CTNNA2: variants seen among roughly 807,000 people sequenced by gnomAD.
The protein encoded by CTNNA2 is catenin alpha-2.
In CTNNA2, 42 loss-of-function variants were observed where a neutral mutation model predicts 101.0. That is an observed-to-expected ratio of 0.42 (90% CI 0.32 to 0.54). The LOEUF is 0.54. Ranked by LOEUF, CTNNA2 falls within the 20% of genes least tolerant of loss-of-function variation. The pLI, the probability that CTNNA2 is intolerant of heterozygous loss-of-function variation, is 0.14. For synonymous variants in CTNNA2, 450 were observed against 456.4 expected, an observed-to-expected ratio of 0.99 and a Z score of 0.18; for missense variants, 871 against 1,223.1, an observed-to-expected ratio of 0.71 and a Z score of 4.29.
chr2:79,704,494 A>G (rs1685216490), intron 2 of CTNNA2, among the ~76,000 whole-genome samples: 1 of 150,182 alleles, frequency 6.7e-6, no homozygotes, highest in Non-Finnish European at 1.5e-5. Context: ...TGTTCTGAGC[A>G]TATTCACTTG....
intron 3 of CTNNA2, among the ~76,000 whole-genome samples, chr2:79,761,173 A>G (rs1672763733): frequency 6.6e-6 from 1 of 152,318 alleles, no homozygotes; most frequent in South Asian, 2.1e-4. Flanking sequence ...GAAATGCTGT[A>G]TATTTTAGGT....
chr2:80,074,268 T>TC (rs1232723558), intron 7 of CTNNA2, among the ~76,000 whole-genome samples: 3 of 152,200 alleles, frequency 2.0e-5, no homozygotes, highest in East Asian at 1.9e-4. Context: ...TCATATTGGG[T>TC]CCCTGAAGAA....
intron 7 of CTNNA2, among the ~76,000 whole-genome samples, chr2:80,063,002 G>A (rs931418843): frequency 2.0e-5 from 3 of 152,030 alleles, no homozygotes. Flanking sequence ...ACCGCGCCCG[G>A]CCAAAGCACT....
intron 2 of CTNNA2, among the ~76,000 whole-genome samples, chr2:79,307,122 A>C (rs1676265738): frequency 6.6e-6 from 1 of 152,324 alleles, no homozygotes; most frequent in East Asian, 1.9e-4. Context: ...ACTGACACAT[A>C]ATAATTGTAC....
In CTNNA2 at chr2:79,190,737, T is replaced by C. The variant is rs188378057; in HGVS notation, c.-524+5306T>C. ...ACAGAGAGCTACCGATGAATACCTATACTAGAAAATAGTAAGTTCCCTGAA... is the reference window on the plus strand; with the variant it reads ...ACAGAGAGCTACCGATGAATACCTACACTAGAAAATAGTAAGTTCCCTGAA... On this transcript the variant is annotated intron_variant, in intron 1 of 21. Coordinates refer to the CTNNA2 transcript ENST00000466387. Among the ~76,000 whole-genome samples, 252 of 152,288 alleles carry C rather than the reference T, an allele frequency of 1.7e-3. 1 individual carries two copies. Among genetic ancestry groups the C allele is most frequent in the African/African-American group, 2.2e-3 (91 of 41,568 alleles).
At chr2:79,277,834 A>G (rs1478236517) in intron 2 of CTNNA2, among the ~76,000 whole-genome samples, 1 of 151,972 alleles carries the variant, frequency 6.6e-6, no homozygotes, top group Admixed American at 6.6e-5. Context: ...GACTCAATTT[A>G]CTTTATTTGC....
chr2:79,400,132 A>G (rs1475795053), intron 4 of CTNNA2, among the ~76,000 whole-genome samples: 2 of 152,058 alleles, frequency 1.3e-5, no homozygotes, highest in Non-Finnish European at 2.9e-5. Context: ...CAGGTCATAA[A>G]TAGATAAGAG....
intron 9 of CTNNA2, among the ~76,000 whole-genome samples, 172 bp from the exon 10 acceptor site, chr2:80,544,810 T>G (rs1376622970): frequency 6.6e-6 from 1 of 152,188 alleles, no homozygotes; most frequent in Non-Finnish European, 1.5e-5. Context: ...AATGCCTAAA[T>G]TAGCATAAGA....
chr2:79,220,990 A>G (rs1261326764), intron 2 of CTNNA2, among the ~76,000 whole-genome samples: 1 of 152,360 alleles, frequency 6.6e-6, no homozygotes, highest in East Asian at 1.9e-4. Context: ...ATGCTGCTTC[A>G]GTGTGTTGGG....
At chr2:79,427,270 A>T (rs1485672792) in intron 4 of CTNNA2, among the ~76,000 whole-genome samples, 1 of 152,008 alleles carries the variant, frequency 6.6e-6, no homozygotes, top group African/African-American at 2.4e-5. Flanking sequence ...GGAATGTAGA[A>T]TTCCTGCACC....
intron 7 of CTNNA2, among the ~76,000 whole-genome samples, chr2:80,121,422 G>A (rs1255208670): frequency 1.3e-5 from 2 of 152,164 alleles, no homozygotes; most frequent in African/African-American, 2.4e-5. Context: ...TGAAAACAGT[G>A]TGGTATCATG....
intron 3 of CTNNA2, among the ~76,000 whole-genome samples, chr2:79,744,884 A>G (rs550633839): frequency 6.6e-5 from 10 of 152,324 alleles, no homozygotes; most frequent in African/African-American, 2.4e-4. Flanking sequence ...TGGGATGGGA[A>G]GACCTAACGT....
chr2:80,582,434 A>C (rs1038199036), intron 14 of CTNNA2, among the ~76,000 whole-genome samples: 3 of 152,162 alleles, frequency 2.0e-5, no homozygotes, highest in Non-Finnish European at 2.9e-5. Flanking sequence ...AGAAATATTC[A>C]AGTTTAAGGC....
chr2:80,093,625 A>T (rs7584144), intron 7 of CTNNA2, among the ~76,000 whole-genome samples: 79,375 of 151,588 alleles, frequency 0.52, 23,645 homozygotes, highest in African/African-American at 0.78. Context: ...CCACCAACAG[A>T]GTAAAAGTGT....
Position 79,732,159 on chromosome 2 carries a change from A to G in CTNNA2, c.103-12228A>G, listed in dbSNP as rs564642609. On this transcript the variant is annotated intron_variant, in intron 2 of 18. Transcript: ENST00000402739. ...TAGAGTCAGTAGTTGGGTTTTTACC[A>G]TAAGAAAAAGTTTGAAATCTGACGT... Among the ~76,000 whole-genome samples, 4 of 152,152 alleles carry G rather than the reference A, an allele frequency of 2.6e-5. No homozygotes were observed. In the South Asian group the frequency reaches 8.3e-4, roughly 32 times the overall value.
intron 4 of CTNNA2, among the ~76,000 whole-genome samples, chr2:79,400,814 G>A (rs1178422488): frequency 6.6e-6 from 1 of 150,954 alleles, no homozygotes; most frequent in African/African-American, 2.4e-5. Flanking sequence ...TGAACACCGT[G>A]TAGAATAAAC....
intron 7 of CTNNA2, among the ~76,000 whole-genome samples, chr2:80,266,310 C>T (rs1236513338): frequency 6.6e-6 from 1 of 152,250 alleles, no homozygotes; most frequent in African/African-American, 2.4e-5. Flanking sequence ...GGTGGGCACA[C>T]AGAGAGAGCT....
At chr2:80,586,458 C>A (rs186937790) in intron 14 of CTNNA2, 1 of 152,180 alleles carries the variant, frequency 6.6e-6, no homozygotes, top group Admixed American at 6.5e-5. Flanking sequence ...GGTTTAGGAC[C>A]TGTGAGGTCT....
intron 2 of CTNNA2, among the ~76,000 whole-genome samples, chr2:79,257,812 A>AT (rs1674868008): frequency 6.6e-6 from 1 of 151,890 alleles, no homozygotes; most frequent in African/African-American, 2.4e-5. Flanking sequence ...TTAAAAAAAA[A>AT]AAAGAAGAAG....
Sources: allele counts gnomAD v4.1 joint callset (sites outside exome capture counted in the v4.1 genomes callset), GRCh38; gene constraint gnomAD v4.1.1; transcripts MANE v1.5; gene names NCBI Gene and HGNC (gene_info 2026-07-23, HGNC 2026-07-21).